Variants in ZFP36 observed in about 807,000 individuals in gnomAD.
ZFP36 encodes mRNA decay activator protein ZFP36.
ZFP36 carries 13 observed loss-of-function variants against 19.8 expected under a neutral mutation model. The ratio of observed to expected loss-of-function variants is 0.66; its 90% CI spans 0.43 to 1.04. ZFP36 has a LOEUF of 1.04. Ranked by LOEUF, ZFP36 falls within the 50% of genes least tolerant of loss-of-function variation. The probability of loss-of-function intolerance (pLI) is 0.00; values close to 1 mark genes in which losing one functional copy is unlikely to be tolerated. For synonymous variants in ZFP36, 191 were observed against 194.5 expected, an observed-to-expected ratio of 0.98 and a Z score of 0.15; for missense variants, 354 against 441.6, an observed-to-expected ratio of 0.80 and a Z score of 1.78.
At position 39,407,447 on chromosome 19, in the gene ZFP36, G is replaced by T; in HGVS notation, c.25-296G>T. 1 of 422,052 alleles carries T rather than the reference G, an allele frequency of 2.4e-6. No homozygotes were observed. The highest frequency in any genetic ancestry group is 6.8e-5 in the South Asian group (1 of 14,636). 26.1% of individuals were successfully genotyped at this position (422,052 alleles called of 1,614,324 possible). On this transcript the variant is annotated intron_variant, in intron 1 of 1. Coordinates refer to ENST00000597629, the MANE Select transcript of ZFP36 (RefSeq NM_003407.5). This position sits in a 1 kb window ranked among gnomAD's most constrained non-coding sequence, Gnocchi z 7.6. ...AGATCCCGACGCGTGGGTCATATCCGGGGAGGACAAGAGACCCAAAATTGG... is the reference window on the plus strand; with the variant it reads ...AGATCCCGACGCGTGGGTCATATCCTGGGAGGACAAGAGACCCAAAATTGG...
rs1257907236 is a variant in ZFP36, at chr19:39,408,149, C to T, written c.431C>T (p.Thr144Met). The T allele has an allele frequency of 3.1e-6, 5 of 1,613,994 alleles. No individual in the cohort carries two copies. The highest frequency in any genetic ancestry group is 4.2e-6 in the Non-Finnish European group (5 of 1,180,034). The change falls in exon 2 of 2, where the codon ACG becomes ATG. Residue 144 changes from threonine to methionine, a missense_variant. Physicochemically the swap from Thr to Met is moderately conservative, Grantham distance 81. Coordinates refer to ENST00000597629, the MANE Select transcript of ZFP36 (RefSeq NM_003407.5). This position sits in a 1 kb window ranked among gnomAD's most constrained non-coding sequence, Gnocchi z 6.0. Reference protein sequence around the residue: ...RQANRHPKYKTELCHKFYLQG... With the variant: ...RQANRHPKYKMELCHKFYLQG... ...GCCAATCGCCACCCCAAATACAAGA[C>T]GGAACTCTGTCACAAGTTCTACCTC...
chr19:39,407,303 G>C lies in ZFP36; in HGVS notation c.24+375G>C. 1 of 455,330 alleles carries C rather than the reference G, an allele frequency of 2.2e-6. No individual in the cohort carries two copies. Among genetic ancestry groups the C allele is most frequent in the Non-Finnish European group, 3.9e-6 (1 of 259,426 alleles). 28.2% of individuals were successfully genotyped at this position (455,330 alleles called of 1,614,324 possible). On this transcript the variant is annotated intron_variant, in intron 1 of 1. Transcript: ENST00000597629. The surrounding 1 kb of genome is among the most constrained non-coding windows in gnomAD (Gnocchi z 7.6). ...GGCGTCTCTGGGGCTGAAGTCTCAG[G>C]GTGGGGGGATCCGACTTCTGTCTCT...
rs747038570 is a variant in ZFP36 at position 39,408,531 on chromosome 19, C to T, written c.813C>T (p.Thr271=). Residue 271 remains threonine, a synonymous_variant, in exon 2 of 2, where the codon ACC becomes ACT. Coordinates refer to ENST00000597629, the MANE Select transcript of ZFP36 (RefSeq NM_003407.5). This position sits in a 1 kb window ranked among gnomAD's most constrained non-coding sequence, Gnocchi z 6.0. ...GGCCCTTGGGTGGCCTGGTTCGGAC[C>T]CCCTCTGTACAGTCCCTGGGATCCG... ...VWGPLGGLVR[T]PSVQSLGSDP... is the part of the protein sequence containing the mutation. 1 of 1,605,762 alleles carries T rather than the reference C, an allele frequency of 6.2e-7. No homozygotes were observed. The highest frequency in any genetic ancestry group is 1.7e-5 in the Admixed American group (1 of 58,476).
chr19:39,408,587 G>T lies in ZFP36; in HGVS notation c.869G>T (p.Ser290Ile). ...GATGAATATGCCAGCAGCGGCAGCA[G>T]CCTGGGGGGCTCTGACTCTCCCGTC... ...DPDEYASSGS[S>I]LGGSDSPVFE... The change falls in exon 2 of 2, where the codon AGC (serine) becomes ATC (isoleucine). Residue 290 changes from serine (S) to isoleucine (I), a missense_variant. By Grantham distance (142) the Ser-to-Ile change is moderately radical (BLOSUM62 -2). Coordinates refer to ENST00000597629, the MANE Select transcript of ZFP36 (RefSeq NM_003407.5). This position sits in a 1 kb window ranked among gnomAD's most constrained non-coding sequence, Gnocchi z 6.0. 1 of 1,613,518 alleles carries T rather than the reference G, an allele frequency of 6.2e-7. No homozygotes were observed.
rs17886974 is a variant in ZFP36, at chr19:39,408,493, A to G, written c.775A>G (p.Ile259Val). Residue 259 changes from isoleucine to valine, a missense_variant, in exon 2 of 2, where the codon ATC (isoleucine) becomes GTC (valine). By Grantham distance (29) the Ile-to-Val change is conservative. Coordinates refer to ENST00000597629, the MANE Select transcript of ZFP36 (RefSeq NM_003407.5). This position sits in a 1 kb window ranked among gnomAD's most constrained non-coding sequence, Gnocchi z 6.0. ...CCPSCRRATP[I>V]SVWGPLGGLV... Reference sequence around the variant, plus strand: ...CCCCTCCTGCCGAAGGGCCACTCCTATCAGCGTCTGGGGGCCCTTGGGTGG... The same window carrying G: ...CCCCTCCTGCCGAAGGGCCACTCCTGTCAGCGTCTGGGGGCCCTTGGGTGG... 1 of 1,605,498 alleles carries G rather than the reference A, an allele frequency of 6.2e-7. No individual in the cohort carries two copies. The highest frequency in any genetic ancestry group is 8.5e-7 in the Non-Finnish European group (1 of 1,175,230).
In ZFP36 at chr19:39,407,791, G is replaced by A. The variant is rs753834371; in HGVS notation, c.73G>A (p.Gly25Arg). 2 of 1,581,068 alleles carry A rather than the reference G, an allele frequency of 1.3e-6. No individual in the cohort carries two copies. Among genetic ancestry groups the A allele is most frequent in the East Asian group, 4.5e-5 (2 of 44,700 alleles). Reference sequence around the variant, plus strand: ...CGTGCCCGTGCCATCCGACCATGGAGGGACTGAGTCCAGCCCAGGCTGGGG... The same window carrying A: ...CGTGCCCGTGCCATCCGACCATGGAAGGACTGAGTCCAGCCCAGGCTGGGG... ...PDVPVPSDHG[G>R]TESSPGWGSS... Residue 25 changes from glycine to arginine, a missense_variant, in exon 2 of 2, where the codon GGG becomes AGG. Transcript: ENST00000597629. This position sits in a 1 kb window ranked among gnomAD's most constrained non-coding sequence, Gnocchi z 7.6.
rs893587550 is a variant in ZFP36, at chr19:39,407,636, G to A, written c.25-107G>A. 9.6e-6 allele frequency: 10 copies of A among 1,044,564 alleles called. No homozygotes were observed. In the African/African-American group the frequency reaches 1.1e-4, roughly 12 times the overall value. The allele number at this position is 1,044,564 out of a possible 1,614,324, so 64.7% of individuals were successfully genotyped here. On this transcript the variant is annotated intron_variant, in intron 1 of 1. Coordinates refer to ENST00000597629, the MANE Select transcript of ZFP36 (RefSeq NM_003407.5). The surrounding 1 kb of genome is among the most constrained non-coding windows in gnomAD (Gnocchi z 7.6). ...CCAGGGGTTTCTGCGGGCGGGTGGG[G>A]CTCAGGCGGGGAGCCCACAAACCGG...
In ZFP36 at chr19:39,409,365, T is replaced by C. The variant is rs1300622097; in HGVS notation, c.*666T>C. On this transcript the variant is annotated 3_prime_UTR_variant, in exon 2 of 2. Coordinates refer to ENST00000597629, the MANE Select transcript of ZFP36 (RefSeq NM_003407.5). ...TATATATTATTACCTTAAAAGTCTATTTTTGTGTTTTGGGCATTTTTAAAT... is the reference window on the plus strand; with the variant it reads ...TATATATTATTACCTTAAAAGTCTACTTTTGTGTTTTGGGCATTTTTAAAT... 1 of 152,192 alleles carries C rather than the reference T, an allele frequency of 6.6e-6. No homozygotes were observed. Among genetic ancestry groups the C allele is most frequent in the Non-Finnish European group, 1.5e-5 (1 of 68,104 alleles). 9.4% of individuals were successfully genotyped at this position (152,192 alleles called of 1,614,324 possible). A position where few individuals can be genotyped will look rare whatever the true frequency, so the allele number is the denominator to read the frequency against.
Position 39,407,996 on chromosome 19 carries a change from C to G in ZFP36, c.278C>G (p.Ser93Trp). 2 of 1,610,718 alleles carry G rather than the reference C, an allele frequency of 1.2e-6. No homozygotes were observed. The highest frequency in any genetic ancestry group is 8.5e-7 in the Non-Finnish European group (1 of 1,179,784). The change falls in exon 2 of 2, where the codon TCG becomes TGG. Residue 93 changes from serine to tryptophan, a missense_variant. Ser to Trp is a radical substitution (Grantham distance 177, BLOSUM62 -3). Transcript: ENST00000597629. This position sits in a 1 kb window ranked among gnomAD's most constrained non-coding sequence, Gnocchi z 7.6. ...LGPELSPSPT[S>W]PTATSTTPSR... ...CCTGAGCTGTCACCCTCACCCACTTCGCCCACTGCAACCTCCACCACCCCC... is the reference window on the plus strand; with the variant it reads ...CCTGAGCTGTCACCCTCACCCACTTGGCCCACTGCAACCTCCACCACCCCC...
In ZFP36 at chr19:39,408,901, T is replaced by C. The variant is rs557628710; in HGVS notation, c.*202T>C. The C allele has an allele frequency of 7.6e-5, 36 of 470,694 alleles. No individual in the cohort carries two copies. In the Admixed American group the frequency reaches 1.2e-3, roughly 16 times the overall value. The allele number at this position is 470,694 out of a possible 1,614,324, so 29.2% of individuals were successfully genotyped here. On this transcript the variant is annotated 3_prime_UTR_variant, in exon 2 of 2. Coordinates refer to ENST00000597629, the MANE Select transcript of ZFP36 (RefSeq NM_003407.5). This position sits in a 1 kb window ranked among gnomAD's most constrained non-coding sequence, Gnocchi z 6.0. ...TGTGCAAGCTCAGTATTCATGATGG[T>C]GGGGGATGGAGTGTCTTCCGAGGTT...
chr19:39,406,987 T>TGGAGTTG, intron 1 of ZFP36, 59 bp downstream of exon 1: 1 of 1,589,712 alleles, frequency 6.3e-7, no homozygotes, highest in African/African-American at 1.4e-5. Flanking sequence ...AGTCCCCACC[T>TGGAGTTG]CTCTAGCGCC....
Position 39,407,596 on chromosome 19 carries a change from C to A in ZFP36, c.25-147C>A. ...AACTCAGAACCTCCAACTCTGGGTT[C>A]CTGGCATCCGGAACCCAGGGGTTTC... On this transcript the variant is annotated intron_variant, in intron 1 of 1. Transcript: ENST00000597629. The surrounding 1 kb of genome is among the most constrained non-coding windows in gnomAD (Gnocchi z 7.6). 1 of 687,796 alleles carries A rather than the reference C, an allele frequency of 1.5e-6. No individual in the cohort carries two copies. Among genetic ancestry groups the A allele is most frequent in the Non-Finnish European group, 2.4e-6 (1 of 425,256 alleles). The allele number at this position is 687,796 out of a possible 1,614,324, so 42.6% of individuals were successfully genotyped here.
rs539327660 is a variant in ZFP36 at position 39,408,351 on chromosome 19, C to A, written c.633C>A (p.Ser211Arg). The A allele has an allele frequency of 6.2e-7, 1 of 1,613,724 alleles. No homozygotes were observed. Among genetic ancestry groups the A allele is most frequent in the South Asian group, 1.1e-5 (1 of 91,078 alleles). ...TGGCCGGCCCTTCCCTGTCCTCCAGCTCCTTCTCGCCCTCCAGCTCCCCAC... is the reference window on the plus strand; with the variant it reads ...TGGCCGGCCCTTCCCTGTCCTCCAGATCCTTCTCGCCCTCCAGCTCCCCAC... ...PGLAGPSLSS[S>R]SFSPSSSPPP... Residue 211 changes from serine to arginine, a missense_variant, in exon 2 of 2, where the codon AGC (serine) becomes AGA (arginine). Transcript: ENST00000597629. This position sits in a 1 kb window ranked among gnomAD's most constrained non-coding sequence, Gnocchi z 6.0.
In ZFP36 at chr19:39,408,027, C is replaced by A. The variant is rs3746083; in HGVS notation, c.309C>A (p.Arg103=). ...CTGCAACCTCCACCACCCCCTCGCG[C>A]TACAAGACTGAGCTATGTCGGACCT... ...SPTATSTTPS[R]YKTELCRTFS... is the part of the protein sequence containing the mutation. Residue 103 remains arginine (R), a synonymous_variant, in exon 2 of 2, where the codon CGC becomes CGA. Transcript: ENST00000597629. This position sits in a 1 kb window ranked among gnomAD's most constrained non-coding sequence, Gnocchi z 6.0. 1.2e-6 allele frequency: 2 copies of A among 1,613,456 alleles called. No homozygotes were observed. Among genetic ancestry groups the A allele is most frequent in the Admixed American group, 3.3e-5 (2 of 60,012 alleles).
Position 39,408,541 on chromosome 19 carries a change from C to T in ZFP36, c.823C>T (p.Gln275Ter). ...LGGLVRTPSV[Q>*]SLGSDPDEYA... ...TGGCCTGGTTCGGACCCCCTCTGTA[C>T]AGTCCCTGGGATCCGACCCTGATGA... The change falls in exon 2 of 2, where the codon CAG (glutamine) becomes TAG (stop). Residue 275 changes from glutamine to a stop codon, truncating the protein, a stop_gained. Coordinates refer to ENST00000597629, the MANE Select transcript of ZFP36 (RefSeq NM_003407.5). LOFTEE classifies it high-confidence loss of function. This position sits in a 1 kb window ranked among gnomAD's most constrained non-coding sequence, Gnocchi z 6.0. The T allele has an allele frequency of 1.2e-6, 2 of 1,612,480 alleles. No homozygotes were observed. The highest frequency in any genetic ancestry group is 4.5e-5 in the East Asian group (2 of 44,880).
Position 39,407,571 on chromosome 19 carries a change from A to T in ZFP36, c.25-172A>T, listed in dbSNP as rs935082885. The T allele has an allele frequency of 1.1e-4, 63 of 598,678 alleles. 2 individuals are homozygous for T. Among genetic ancestry groups the T allele is most frequent in the Middle Eastern group, 9.7e-4 (2 of 2,054 alleles). 37.1% of individuals were successfully genotyped at this position (598,678 alleles called of 1,614,324 possible). On this transcript the variant is annotated intron_variant, in intron 1 of 1. Transcript: ENST00000597629. The surrounding 1 kb of genome is among the most constrained non-coding windows in gnomAD (Gnocchi z 7.6). ...CGGGATAAGGCCTCGGTGGTGGGTA[A>T]ACTCAGAACCTCCAACTCTGGGTTC...
chr19:39,407,604 C>A lies in ZFP36; in HGVS notation c.25-139C>A. On this transcript the variant is annotated intron_variant, in intron 1 of 1. Coordinates refer to ENST00000597629, the MANE Select transcript of ZFP36 (RefSeq NM_003407.5). This position sits in a 1 kb window ranked among gnomAD's most constrained non-coding sequence, Gnocchi z 7.6. Reference sequence around the variant, plus strand: ...ACCTCCAACTCTGGGTTCCTGGCATCCGGAACCCAGGGGTTTCTGCGGGCG... The same window carrying A: ...ACCTCCAACTCTGGGTTCCTGGCATACGGAACCCAGGGGTTTCTGCGGGCG... The A allele has an allele frequency of 1.3e-6, 1 of 751,326 alleles. No homozygotes were observed. The highest frequency in any genetic ancestry group is 2.1e-6 in the Non-Finnish European group (1 of 483,622). The allele number at this position is 751,326 out of a possible 1,614,324, so 46.5% of individuals were successfully genotyped here. A position where few individuals can be genotyped will look rare whatever the true frequency, so the allele number is the denominator to read the frequency against.
chr19:39,407,636 G>T lies in ZFP36; in HGVS notation c.25-107G>T. On this transcript the variant is annotated intron_variant, in intron 1 of 1. Coordinates refer to ENST00000597629, the MANE Select transcript of ZFP36 (RefSeq NM_003407.5). The surrounding 1 kb of genome is among the most constrained non-coding windows in gnomAD (Gnocchi z 7.6). The stretch of plus-strand genomic sequence containing the variant: ...CCAGGGGTTTCTGCGGGCGGGTGGG[G>T]CTCAGGCGGGGAGCCCACAAACCGG... 2 of 1,044,688 alleles carry T rather than the reference G, an allele frequency of 1.9e-6. No homozygotes were observed. Among genetic ancestry groups the T allele is most frequent in the Non-Finnish European group, 2.7e-6 (2 of 741,896 alleles). The allele number at this position is 1,044,688 out of a possible 1,614,324, so 64.7% of individuals were successfully genotyped here. A position where few individuals can be genotyped will look rare whatever the true frequency, so the allele number is the denominator to read the frequency against.
rs776724523 is a variant in ZFP36, at chr19:39,407,938, C to G, written c.220C>G (p.Pro74Ala). The change falls in exon 2 of 2, where the codon CCT (proline) becomes GCT (alanine). Residue 74 changes from proline to alanine, a missense_variant. By Grantham distance (27) the Pro-to-Ala change is conservative. Transcript: ENST00000597629. This position sits in a 1 kb window ranked among gnomAD's most constrained non-coding sequence, Gnocchi z 7.6. ...GRSCGWVPPP[P>A]GFAPLAPRLG... ...CAGCTGTGGCTGGGTGCCCCCACCC[C>G]CTGGCTTCGCACCGCTGGCTCCCCG... 1.3e-6 allele frequency: 2 copies of G among 1,596,718 alleles called. No homozygotes were observed. The highest frequency in any genetic ancestry group is 1.7e-6 in the Non-Finnish European group (2 of 1,174,820).
Sources: allele counts gnomAD v4.1 joint callset, GRCh38; gene constraint gnomAD v4.1.1; non-coding constraint Gnocchi (gnomAD v3.1); transcripts MANE v1.5; gene names NCBI Gene and HGNC (gene_info 2026-07-23, HGNC 2026-07-21).